PCSK2: variants seen among roughly 807,000 people sequenced by gnomAD.
PCSK2 encodes the protein neuroendocrine convertase 2.
In PCSK2, 14 loss-of-function variants were observed where a neutral mutation model predicts 69.7. The ratio of observed to expected loss-of-function variants is 0.20; its 90% CI spans 0.13 to 0.31. PCSK2 has a LOEUF of 0.31. Among genes scored for constraint, PCSK2 ranks in the 10% least tolerant of loss-of-function variants. The probability of loss-of-function intolerance (pLI) is 1.00; values close to 1 mark genes in which losing one functional copy is unlikely to be tolerated. For missense variants in PCSK2, 544 were observed against 842.5 expected, an observed-to-expected ratio of 0.65 and a Z score of 4.39; for synonymous variants, 307 against 320.7, an observed-to-expected ratio of 0.96 and a Z score of 0.46.
At chr20:17,470,284 A>T (rs1471523773) in intron 11 of PCSK2, among the ~76,000 whole-genome samples, 1 of 152,198 alleles carries the variant, frequency 6.6e-6, no homozygotes, top group Non-Finnish European at 1.5e-5. Context: ...GTGATTAAGA[A>T]ACAAGAGTTT....
intron 2 of PCSK2, among the ~76,000 whole-genome samples, chr20:17,264,344 A>G (rs1987509831): frequency 6.6e-6 from 1 of 152,188 alleles, no homozygotes; most frequent in South Asian, 2.1e-4. Context: ...ATTATTCCTC[A>G]TTTTTAAACA....
chr20:17,382,288 C>G (rs1345295382), intron 5 of PCSK2, among the ~76,000 whole-genome samples: 1 of 152,166 alleles, frequency 6.6e-6, no homozygotes, highest in African/African-American at 2.4e-5. Context: ...GTTTTATATG[C>G]ATGATCACAT....
At chr20:17,441,687 G>T (rs2032599698) in intron 8 of PCSK2, among the ~76,000 whole-genome samples, 1 of 152,096 alleles carries the variant, frequency 6.6e-6, no homozygotes, top group Non-Finnish European at 1.5e-5. Context: ...GATCTCATGA[G>T]ATCTCATAAG....
chr20:17,347,214 G>A (rs1990674802), intron 2 of PCSK2, among the ~76,000 whole-genome samples: 1 of 152,098 alleles, frequency 6.6e-6, no homozygotes, highest in South Asian at 2.1e-4. Flanking sequence ...CTGTAATTGG[G>A]CTTTCCAAAA....
chr20:17,346,303 G>A (rs12480205), intron 2 of PCSK2, among the ~76,000 whole-genome samples: 33,615 of 152,110 alleles, frequency 0.22, 4,507 homozygotes, highest in South Asian at 0.4. Context: ...ACCCCCAAAC[G>A]CCTTTCCAGG....
intron 5 of PCSK2, among the ~76,000 whole-genome samples, chr20:17,396,767 C>A (rs1444226985): frequency 6.6e-6 from 1 of 152,124 alleles, no homozygotes; most frequent in African/African-American, 2.4e-5. Context: ...CAGGTGCGTA[C>A]CACCATGCCT....
chr20:17,309,342 T>C (rs1226078519), intron 2 of PCSK2, among the ~76,000 whole-genome samples: 1 of 152,234 alleles, frequency 6.6e-6, no homozygotes, highest in Non-Finnish European at 1.5e-5. Context: ...TCATCCTTAC[T>C]GTGTTCCAGA....
chr20:17,317,102 T>C (rs917252378), intron 2 of PCSK2, among the ~76,000 whole-genome samples: 6 of 152,194 alleles, frequency 3.9e-5, no homozygotes, highest in Admixed American at 2.0e-4. Flanking sequence ...CTCAGTCTTT[T>C]CTTCTCTCCC....
intron 11 of PCSK2, among the ~76,000 whole-genome samples, chr20:17,471,523 G>A (rs1370390338): frequency 6.6e-6 from 1 of 152,170 alleles, no homozygotes; most frequent in Non-Finnish European, 1.5e-5. Context: ...AAATGAATGA[G>A]GGAATGAAAA....
intron 2 of PCSK2, among the ~76,000 whole-genome samples, chr20:17,314,064 C>T (rs1276209634): frequency 6.6e-6 from 1 of 152,020 alleles, no homozygotes; most frequent in Non-Finnish European, 1.5e-5. Context: ...ATGTCCCTAC[C>T]CCCACCCCAA....
intron 1 of PCSK2, among the ~76,000 whole-genome samples, chr20:17,253,040 C>A (rs1045536650): frequency 6.6e-6 from 1 of 152,052 alleles, no homozygotes; most frequent in Non-Finnish European, 1.5e-5. Context: ...GAATATACAA[C>A]CTTATAGGGA....
At chr20:17,258,894 A>C (rs1216087935) in intron 1 of PCSK2, among the ~76,000 whole-genome samples, 1 of 152,018 alleles carries the variant, frequency 6.6e-6, no homozygotes, top group African/African-American at 2.4e-5. Context: ...AAAAAAACAA[A>C]AAGGTAACCT....
At chr20:17,329,139 A>C (rs1332011891) in intron 2 of PCSK2, among the ~76,000 whole-genome samples, 1 of 152,248 alleles carries the variant, frequency 6.6e-6, no homozygotes, top group East Asian at 1.9e-4. Context: ...TTAATCACTT[A>C]GGCTTAGTAA....
At chr20:17,445,321 C>T (rs1475322087) in intron 8 of PCSK2, among the ~76,000 whole-genome samples, 3 of 152,104 alleles carry the variant, frequency 2.0e-5, no homozygotes, top group African/African-American at 7.2e-5. Context: ...CAGGGCAACC[C>T]TGGCACACCT....
chr20:17,247,784 G>T (rs189361462), intron 1 of PCSK2, among the ~76,000 whole-genome samples: 1 of 152,224 alleles, frequency 6.6e-6, no homozygotes, highest in South Asian at 2.1e-4. Context: ...TTTAAAAGAA[G>T]CAGGAAATAG....
At chr20:17,395,317 G>A (rs758967543) in intron 5 of PCSK2, among the ~76,000 whole-genome samples, 9 of 152,142 alleles carry the variant, frequency 5.9e-5, no homozygotes, top group Admixed American at 2.6e-4. Flanking sequence ...CTTTCATGAC[G>A]GTAGTCCTGA....
At chr20:17,413,093 A>T (rs1228978151) in intron 6 of PCSK2, among the ~76,000 whole-genome samples, 1 of 152,242 alleles carries the variant, frequency 6.6e-6, no homozygotes, top group Non-Finnish European at 1.5e-5. Context: ...AATTGCAAAG[A>T]CCATCAATGC....
At chr20:17,303,484 ATATTATATT>A (rs1989193307) in intron 2 of PCSK2, among the ~76,000 whole-genome samples, 1 of 56,092 alleles carries the variant, frequency 1.8e-5, no homozygotes, top group Non-Finnish European at 3.6e-5. Context: ...TATATAATAT[ATATTATATT>A]TAATATAATA....
chr20:17,384,111 G>A (rs2031165224), intron 5 of PCSK2, among the ~76,000 whole-genome samples: 1 of 152,130 alleles, frequency 6.6e-6, no homozygotes, highest in Non-Finnish European at 1.5e-5. Context: ...GTGCCATTGT[G>A]TCCTATAAGC....
Sources: allele counts gnomAD v4.1 joint callset (sites outside exome capture counted in the v4.1 genomes callset), GRCh38; gene constraint gnomAD v4.1.1; transcripts MANE v1.5; gene names NCBI Gene and HGNC (gene_info 2026-07-23, HGNC 2026-07-21).